MAGI2: variants seen among roughly 807,000 people sequenced by gnomAD.
The protein encoded by MAGI2 is membrane associated guanylate kinase, WW and PDZ domain containing 2.
In MAGI2, 35 loss-of-function variants were observed where a neutral mutation model predicts 133.3. That is an observed-to-expected ratio of 0.26 (90% confidence interval 0.20 to 0.35). The LOEUF is 0.35. Ranked by LOEUF, MAGI2 falls within the 10% of genes least tolerant of loss-of-function variation. MAGI2 has a pLI of 1.00. For missense variants in MAGI2, 1,636 were observed against 1,863.4 expected (o/e 0.88, Z 2.25); for synonymous variants, 729 against 710.6 (o/e 1.03, Z -0.41).
At chr7:79,052,750 GA>G (rs1279583497) in intron 1 of MAGI2, among the ~76,000 whole-genome samples, 1 of 152,112 alleles carries the variant, frequency 6.6e-6, no homozygotes, top group African/African-American at 2.4e-5. Flanking sequence ...TTATAAGACT[GA>G]AAATCAACTG....
rs552205595 is a variant in MAGI2, at chr7:78,692,158, G to A, written c.419-64919C>T. On this transcript the variant is annotated intron_variant, in intron 2 of 21. Transcript: ENST00000354212. ...TATTAAAAGCCCTATCAGTAAGCAGGTTTTTACATGGATGGATATCATGCT... is the reference window on the plus strand; with the variant it reads ...TATTAAAAGCCCTATCAGTAAGCAGATTTTTACATGGATGGATATCATGCT... Among the ~76,000 whole-genome samples the A allele has an allele frequency of 3.9e-5, 6 of 152,258 alleles. No individual in the cohort carries two copies. In the East Asian group the frequency reaches 1.2e-3, roughly 29 times the overall value.
chr7:78,310,193 T>G (rs1043503973), intron 9 of MAGI2, among the ~76,000 whole-genome samples: 16 of 152,092 alleles, frequency 1.1e-4, no homozygotes, highest in Non-Finnish European at 1.3e-4. Flanking sequence ...TCCCAGCACT[T>G]TGAGAGGCAG....
chr7:78,903,599 G>A (rs1797785334), intron 2 of MAGI2, among the ~76,000 whole-genome samples: 1 of 152,160 alleles, frequency 6.6e-6, no homozygotes, highest in Admixed American at 6.5e-5. Flanking sequence ...GAGTGAGAAA[G>A]TGAAGTTAAA....
chr7:79,086,662 T>A (rs971829354), intron 1 of MAGI2, among the ~76,000 whole-genome samples: 9 of 151,882 alleles, frequency 5.9e-5, no homozygotes, highest in African/African-American at 9.7e-5. Context: ...TGATCTCGCT[T>A]TCTTATTGTT....
intron 6 of MAGI2, among the ~76,000 whole-genome samples, chr7:78,411,802 A>C (rs1465865141): frequency 6.6e-6 from 1 of 152,032 alleles, no homozygotes; most frequent in Non-Finnish European, 1.5e-5. Flanking sequence ...TTTTGTGTAC[A>C]CTTATGCATA....
At chr7:78,846,075 GA>G (rs1276201618) in intron 2 of MAGI2, among the ~76,000 whole-genome samples, 2 of 151,870 alleles carry the variant, frequency 1.3e-5, no homozygotes, top group Non-Finnish European at 2.9e-5. Flanking sequence ...GAAGTAGTGA[GA>G]AATGATAATC....
At chr7:78,542,179 T>C (rs573613202) in intron 3 of MAGI2, among the ~76,000 whole-genome samples, 4 of 152,334 alleles carry the variant, frequency 2.6e-5, no homozygotes, top group African/African-American at 4.8e-5. Context: ...TCTTTAAAAA[T>C]GTAAAAGCCA....
At chr7:78,897,718 G>T (rs1797317784) in intron 2 of MAGI2, among the ~76,000 whole-genome samples, 1 of 152,058 alleles carries the variant, frequency 6.6e-6, no homozygotes, top group African/African-American at 2.4e-5. Flanking sequence ...GAATTGTTTT[G>T]TGCAGTATGG....
At chr7:78,057,981 A>T in intron 21 of MAGI2, among the ~76,000 whole-genome samples, 1 of 100,116 alleles carries the variant, frequency 1.0e-5, no homozygotes, top group African/African-American at 4.5e-5. Context: ...ATATGTGTAT[A>T]TATATATATA....
At chr7:79,315,406 C>T (rs1359102337) in intron 1 of MAGI2, among the ~76,000 whole-genome samples, 2 of 150,228 alleles carry the variant, frequency 1.3e-5, no homozygotes, top group Non-Finnish European at 2.9e-5. Context: ...AACTCCTGAC[C>T]TCAGGTGATC....
chr7:79,091,512 T>A (rs1024094829), intron 1 of MAGI2, among the ~76,000 whole-genome samples: 3 of 152,288 alleles, frequency 2.0e-5, no homozygotes, highest in African/African-American at 7.2e-5. Context: ...CTATAAGCAG[T>A]TGTGATAACA....
intron 1 of MAGI2, among the ~76,000 whole-genome samples, chr7:79,430,992 G>A (rs2129186732): frequency 6.6e-6 from 1 of 152,292 alleles, no homozygotes; most frequent in South Asian, 2.1e-4. Context: ...TAGCTTGAGG[G>A]AATAACCTAT....
intron 1 of MAGI2, among the ~76,000 whole-genome samples, chr7:79,439,815 C>A (rs1022397837): frequency 6.6e-6 from 1 of 151,906 alleles, no homozygotes; most frequent in Non-Finnish European, 1.5e-5. Flanking sequence ...ACACAAACTC[C>A]TATCCCTCCT....
intron 7 of MAGI2, among the ~76,000 whole-genome samples, chr7:78,365,213 G>A (rs1166121941): frequency 6.6e-6 from 1 of 152,082 alleles, no homozygotes; most frequent in Non-Finnish European, 1.5e-5. Context: ...CAGAATGCCT[G>A]GGTCAGCAGC....
rs576660931 is a variant in MAGI2, at chr7:78,759,314, GCTTT to G, written c.419-132079_419-132076del. Among the ~76,000 whole-genome samples the G allele has an allele frequency of 6.6e-5, 10 of 152,104 alleles. No homozygotes were observed. In the South Asian group the frequency reaches 1.7e-3, roughly 25 times the overall value. The stretch of plus-strand genomic sequence containing the variant: ...ATTTGTATAGAAATATAAATGAATT[GCTTT>G]ATTTTTAAATTATAAATTTGTTTCT... On this transcript the variant is annotated intron_variant, in intron 2 of 21. Transcript: ENST00000354212.
chr7:78,944,174 T>A (rs1801213632), intron 2 of MAGI2, among the ~76,000 whole-genome samples: 5 of 152,104 alleles, frequency 3.3e-5, no homozygotes, highest in African/African-American at 1.2e-4. Flanking sequence ...CTGCCTTAAT[T>A]CATTTTCTCA....
At chr7:78,556,118 T>C (rs968774270) in intron 3 of MAGI2, among the ~76,000 whole-genome samples, 4 of 152,192 alleles carry the variant, frequency 2.6e-5, no homozygotes, top group Non-Finnish European at 4.4e-5. Flanking sequence ...AAAGTATATA[T>C]ATATATGATA....
At chr7:78,649,242 A>AAAAAAAAAAAAAAAAAAAAAAAAAAAG (rs1554512645) in intron 2 of MAGI2, among the ~76,000 whole-genome samples, 1 of 149,550 alleles carries the variant, frequency 6.7e-6, no homozygotes, top group Non-Finnish European at 1.5e-5. Context: ...AAAAGAAAAA[A>AAAAAAAAAAAAAAAAAAAAAAAAAAAG]AAAGAAAAAA....
intron 2 of MAGI2, among the ~76,000 whole-genome samples, chr7:78,706,270 T>C (rs2151163803): frequency 6.6e-6 from 1 of 152,128 alleles, no homozygotes; most frequent in East Asian, 1.9e-4. Context: ...TGATAGTGAG[T>C]AAGTCTCATG....
Sources: allele counts gnomAD v4.1 joint callset (sites outside exome capture counted in the v4.1 genomes callset), GRCh38; gene constraint gnomAD v4.1.1; transcripts MANE v1.5; gene names NCBI Gene and HGNC (gene_info 2026-07-23, HGNC 2026-07-21).